Variants in TAFA4 observed in about 807,000 individuals in gnomAD.
TAFA4 encodes chemokine-like protein TAFA-4.
Under a neutral mutation model 21.1 loss-of-function variants are expected in TAFA4, and 20 were observed. The ratio of observed to expected loss-of-function variants is 0.95; its 90% CI spans 0.67 to 1.38. The LOEUF (loss-of-function observed/expected upper bound fraction) is 1.38. Ranked by LOEUF, TAFA4 falls within the 40% of genes most tolerant of loss-of-function variation. TAFA4 has a pLI of 0.00. For synonymous variants in TAFA4, 71 were observed against 67.4 expected, an observed-to-expected ratio of 1.05 and a Z score of -0.26; for missense variants, 211 against 180.9, an observed-to-expected ratio of 1.17 and a Z score of -0.95.
intron 1 of TAFA4, among the ~76,000 whole-genome samples, chr3:68,892,165 T>C (rs562775444): frequency 2.0e-5 from 3 of 152,322 alleles, no homozygotes; most frequent in African/African-American, 7.2e-5. Flanking sequence ...AGAGTATTCA[T>C]TGTTACATGT....
intron 1 of TAFA4, among the ~76,000 whole-genome samples, chr3:68,900,362 G>T (rs2089834235): frequency 6.6e-6 from 1 of 151,624 alleles, no homozygotes; most frequent in African/African-American, 2.4e-5. Context: ...ACTGGGGCCA[G>T]AAGGAACAGA....
At chr3:68,916,981 C>G (rs1050868041) in intron 1 of TAFA4, among the ~76,000 whole-genome samples, 46 of 152,160 alleles carry the variant, frequency 3.0e-4, no homozygotes, top group African/African-American at 1.1e-3. Context: ...CAGCTTGTGT[C>G]TTACTAGAAA....
At chr3:68,830,497 T>G (rs943697803) in intron 3 of TAFA4, among the ~76,000 whole-genome samples, 1 of 152,156 alleles carries the variant, frequency 6.6e-6, no homozygotes, top group African/African-American at 2.4e-5. Flanking sequence ...GTTGTGCAGT[T>G]TTGAGTGAGT....
At chr3:68,769,558 G>A (rs991885292) in intron 3 of TAFA4, among the ~76,000 whole-genome samples, 1 of 152,136 alleles carries the variant, frequency 6.6e-6, no homozygotes, top group African/African-American at 2.4e-5. Flanking sequence ...ATACCTGGAA[G>A]AAAAGATTTT....
rs1336653887 is a variant in TAFA4, at chr3:68,932,252, G to T, written c.-135C>A. The T allele has an allele frequency of 6.6e-6, 1 of 151,618 alleles. No homozygotes were observed. Among genetic ancestry groups the T allele is most frequent in the African/African-American group, 2.4e-5 (1 of 41,150 alleles). 9.4% of individuals were successfully genotyped at this position (151,618 alleles called of 1,614,324 possible). On this transcript the variant is annotated 5_prime_UTR_variant, in exon 1 of 6. Transcript: ENST00000295569. ...CAACCCTTCTTACTCGACTAGAGCC[G>T]GCATCCAAGTCGGACCGGCGCGTCC... is the stretch of plus-strand genomic sequence containing the variant.
At chr3:68,838,282 GTTAA>G (rs1482211798) in intron 3 of TAFA4, among the ~76,000 whole-genome samples, 1 of 152,126 alleles carries the variant, frequency 6.6e-6, no homozygotes, top group African/African-American at 2.4e-5. Context: ...ATGGCTAGAT[GTTAA>G]TTAAGTGCGC....
At chr3:68,736,855 ATTCTCAAGTGACAT>A (rs1194507778) in intron 5 of TAFA4, among the ~76,000 whole-genome samples, 1 of 152,180 alleles carries the variant, frequency 6.6e-6, no homozygotes, top group Non-Finnish European at 1.5e-5. Context: ...CTTCAAGATT[ATTCTCAAGTGACAT>A]ATCACTAAAA....
At chr3:68,800,725 T>C (rs896000032) in intron 3 of TAFA4, among the ~76,000 whole-genome samples, 1 of 152,188 alleles carries the variant, frequency 6.6e-6, no homozygotes, top group African/African-American at 2.4e-5. Context: ...AGAATTTCAT[T>C]AAGGCACGTT....
chr3:68,875,207 G>A (rs990213003), intron 3 of TAFA4, among the ~76,000 whole-genome samples: 1 of 152,014 alleles, frequency 6.6e-6, no homozygotes, highest in Non-Finnish European at 1.5e-5. Flanking sequence ...TACCTTGATA[G>A]GAGCTAGAGT....
chr3:68,821,136 T>C (rs761245457), intron 3 of TAFA4, among the ~76,000 whole-genome samples: 1 of 152,220 alleles, frequency 6.6e-6, no homozygotes, highest in Non-Finnish European at 1.5e-5. Flanking sequence ...ATGTCTTCCA[T>C]ACATTCAGTG....
intron 1 of TAFA4, among the ~76,000 whole-genome samples, chr3:68,897,453 C>G (rs1201794206): frequency 1.3e-5 from 2 of 151,742 alleles, no homozygotes; most frequent in Non-Finnish European, 2.9e-5. Context: ...TGGTGAAACC[C>G]CATCTCTACT....
At chr3:68,825,238 G>A (rs1289893058) in intron 3 of TAFA4, among the ~76,000 whole-genome samples, 1 of 152,100 alleles carries the variant, frequency 6.6e-6, no homozygotes, top group African/African-American at 2.4e-5. Flanking sequence ...TGGTTTTTCT[G>A]TTCCTGTGTT....
chr3:68,739,803 A>T (rs1328390426), intron 4 of TAFA4, among the ~76,000 whole-genome samples: 2 of 152,222 alleles, frequency 1.3e-5, no homozygotes, highest in Non-Finnish European at 2.9e-5. Context: ...TTTCTCACTT[A>T]TAAATGAGAG....
chr3:68,815,467 GA>G, intron 3 of TAFA4, among the ~76,000 whole-genome samples: 1 of 152,042 alleles, frequency 6.6e-6, no homozygotes, highest in South Asian at 2.1e-4. Flanking sequence ...AAATTTACAA[GA>G]AAAAAACAAA....
chr3:68,735,239 C>T (rs1312843867), intron 5 of TAFA4, among the ~76,000 whole-genome samples: 2 of 151,948 alleles, frequency 1.3e-5, no homozygotes, highest in Non-Finnish European at 2.9e-5. Context: ...AAATACATGG[C>T]CTGTACAATG....
rs1290185518 is a variant in TAFA4 at position 68,900,274 on chromosome 3, T to TAAC, written c.-122-14965_-122-14964insGTT. ...ATAATAATAATAATAATAATAATAATAATAATAACAATAATAATAATAATA... is the reference window on the plus strand; with the variant it reads ...ATAATAATAATAATAATAATAATAATAACAATAATAACAATAATAATAATAATA... On this transcript the variant is annotated intron_variant, in intron 1 of 5. Coordinates refer to ENST00000295569, the MANE Select transcript of TAFA4 (RefSeq NM_182522.5). Among the ~76,000 whole-genome samples, 19 of 41,994 alleles carry TAAC rather than the reference T, an allele frequency of 4.5e-4. No homozygotes were observed. The Admixed American group carries it at 6.4e-3, about 14-fold the overall frequency. The allele number at this position is 41,994 out of a possible 152,430, so 27.5% of individuals were successfully genotyped here.
intron 3 of TAFA4, among the ~76,000 whole-genome samples, chr3:68,863,108 C>T (rs373005525): frequency 3.3e-5 from 5 of 151,070 alleles, no homozygotes; most frequent in South Asian, 2.1e-4. Context: ...CATGGTGGTA[C>T]GTGCCCATAG....
chr3:68,790,499 A>G (rs775109916), intron 3 of TAFA4, among the ~76,000 whole-genome samples: 1 of 152,212 alleles, frequency 6.6e-6, no homozygotes, highest in Non-Finnish European at 1.5e-5. Flanking sequence ...CAGATTAGAT[A>G]AAGTGAGAAT....
chr3:68,866,216 G>C (rs2089414925), intron 3 of TAFA4, among the ~76,000 whole-genome samples: 1 of 152,072 alleles, frequency 6.6e-6, no homozygotes, highest in South Asian at 2.1e-4. Flanking sequence ...CACTGTAGAA[G>C]GCACATTCCA....
Sources: allele counts gnomAD v4.1 joint callset (sites outside exome capture counted in the v4.1 genomes callset), GRCh38; gene constraint gnomAD v4.1.1; transcripts MANE v1.5; gene names NCBI Gene and HGNC (gene_info 2026-07-23, HGNC 2026-07-21).